The following POU2AF1 variants were observed in gnomAD, a reference collection of about 807,000 sequenced individuals.
POU2AF1 encodes POU class 2 homeobox associating factor 1, also known as POU domain class 2-associating factor 1.
POU2AF1 carries 12 observed loss-of-function variants against 26.3 expected under a neutral mutation model. That is an observed-to-expected ratio of 0.46 (90% CI 0.29 to 0.74). The LOEUF is 0.74. Among genes scored for constraint, POU2AF1 ranks in the 30% least tolerant of loss-of-function variants. The probability of loss-of-function intolerance (pLI) is 0.09; values close to 1 mark genes in which losing one functional copy is unlikely to be tolerated. For synonymous variants in POU2AF1, 175 were observed against 148.0 expected, an observed-to-expected ratio of 1.18 and a Z score of -1.32; for missense variants, 297 against 334.5, an observed-to-expected ratio of 0.89 and a Z score of 0.87.
Position 111,357,742 on chromosome 11 carries a change from A to T in POU2AF1, c.191-32T>A, listed in dbSNP as rs760714665. The T allele has an allele frequency of 8.7e-6, 14 of 1,612,040 alleles. No homozygotes were observed. In the East Asian group the frequency reaches 3.1e-4, roughly 36 times the overall value. Reference sequence around the variant, plus strand: ...GAAGAAGGAAATTACAGAACTTCAGATGCCACCCAGATGAGAGGCCTGGGG... The same window carrying T: ...GAAGAAGGAAATTACAGAACTTCAGTTGCCACCCAGATGAGAGGCCTGGGG... On this transcript the variant is annotated intron_variant, in intron 3 of 4. Transcript: ENST00000393067.
intron 2 of POU2AF1, among the ~76,000 whole-genome samples, 186 bp downstream of exon 2, chr11:111,358,602 T>A (rs368556829): frequency 2.9e-4 from 11 of 37,806 alleles, no homozygotes; most frequent in Non-Finnish European, 1.0e-3. Context: ...ACACATACAC[T>A]CTCACACACT....
At chr11:111,370,909 A>G (rs980425488) in intron 1 of POU2AF1, among the ~76,000 whole-genome samples, 2 of 152,182 alleles carry the variant, frequency 1.3e-5, no homozygotes, top group African/African-American at 4.8e-5. Flanking sequence ...TGGTTTCTCT[A>G]GCTGGAAATA....
chr11:111,356,673 C>T (rs774424583), intron 4 of POU2AF1, among the ~76,000 whole-genome samples: 3 of 152,174 alleles, frequency 2.0e-5, no homozygotes, highest in Non-Finnish European at 4.4e-5. Flanking sequence ...GGGGAAGAGG[C>T]TCTTCCTTTC....
intron 1 of POU2AF1, among the ~76,000 whole-genome samples, chr11:111,361,163 G>C (rs1001437254): frequency 6.6e-6 from 1 of 151,360 alleles, no homozygotes; most frequent in African/African-American, 2.4e-5. Flanking sequence ...CACTGCACAG[G>C]ACCCATGGAG....
At chr11:111,355,469 GA>G (rs1359991712) in intron 4 of POU2AF1, among the ~76,000 whole-genome samples, 2 of 152,184 alleles carry the variant, frequency 1.3e-5, no homozygotes, top group Non-Finnish European at 2.9e-5. Context: ...ATGGATTCAT[GA>G]GAGGGAGGCC....
chr11:111,371,504 C>T (rs1260039714), intron 1 of POU2AF1, among the ~76,000 whole-genome samples: 2 of 152,040 alleles, frequency 1.3e-5, no homozygotes, highest in Non-Finnish European at 1.5e-5. Flanking sequence ...AAAATTGTGA[C>T]GCGAGTTCCA....
chr11:111,376,800 T>C (rs1861317401), intron 1 of POU2AF1, among the ~76,000 whole-genome samples: 1 of 152,132 alleles, frequency 6.6e-6, no homozygotes, highest in South Asian at 2.1e-4. Context: ...GCTGCCCTGT[T>C]TTTACTGATT....
At chr11:111,368,832 A>T (rs1015167452) in intron 1 of POU2AF1, among the ~76,000 whole-genome samples, 5 of 152,256 alleles carry the variant, frequency 3.3e-5, no homozygotes, top group Admixed American at 3.3e-4. Context: ...GGTAATCATG[A>T]GAACTGTATG....
chr11:111,352,472 T>C lies in POU2AF1; in HGVS notation c.*1789A>G, dbSNP rs558747054. Reference sequence around the variant, plus strand: ...AGAGCTAAGCACACCTGCTAACAACTCAGTCTCCTACAAACCTGATGTTTC... The same window carrying C: ...AGAGCTAAGCACACCTGCTAACAACCCAGTCTCCTACAAACCTGATGTTTC... On this transcript the variant is annotated 3_prime_UTR_variant, in exon 5 of 5. Transcript: ENST00000393067. 24 of 185,340 alleles carry C rather than the reference T, an allele frequency of 1.3e-4. No individual in the cohort carries two copies. The highest frequency in any genetic ancestry group is 2.6e-4 in the Non-Finnish European group (23 of 87,582). 11.5% of individuals were successfully genotyped at this position (185,340 alleles called of 1,614,324 possible). A position where few individuals can be genotyped will look rare whatever the true frequency, so the allele number is the denominator to read the frequency against.
intron 1 of POU2AF1, among the ~76,000 whole-genome samples, chr11:111,378,489 T>A (rs1861353617): frequency 6.6e-6 from 1 of 152,158 alleles, no homozygotes; most frequent in African/African-American, 2.4e-5. Context: ...GAAAATAAAG[T>A]TCACAATTGT....
In POU2AF1 at chr11:111,357,472, G is replaced by A. The variant is rs375475909; in HGVS notation, c.429C>T (p.Ala143=). ...TGACATTGGTGATGAGTGGCGGAGAGGCATAGGTCAACACTGAGGAGGGCC... is the reference window on the plus strand; with the variant it reads ...TGACATTGGTGATGAGTGGCGGAGAAGCATAGGTCAACACTGAGGAGGGCC... ...VVGPSSVLTY[A]SPPLITNVTT... is the part of the protein sequence containing the mutation. Residue 143 remains alanine (A), a synonymous_variant, in exon 4 of 5, where the codon GCC becomes GCT. Coordinates refer to ENST00000393067, the MANE Select transcript of POU2AF1 (RefSeq NM_006235.3). The A allele has an allele frequency of 1.2e-6, 2 of 1,614,060 alleles. No homozygotes were observed. The highest frequency in any genetic ancestry group is 1.3e-5 in the African/African-American group (1 of 74,924).
chr11:111,356,016 G>A (rs752443607), intron 4 of POU2AF1, among the ~76,000 whole-genome samples: 2 of 152,200 alleles, frequency 1.3e-5, no homozygotes, highest in Non-Finnish European at 2.9e-5. Context: ...CACACAGCAG[G>A]TCTTATCTCT....
chr11:111,360,318 C>T (rs1860980750), intron 1 of POU2AF1, among the ~76,000 whole-genome samples: 1 of 152,218 alleles, frequency 6.6e-6, no homozygotes. Context: ...GCCTAGGTAT[C>T]TGTTAAACCC....
At chr11:111,375,390 CTTTTTTTTTTTTTTT>C (rs869115956) in intron 1 of POU2AF1, among the ~76,000 whole-genome samples, 1 of 79,488 alleles carries the variant, frequency 1.3e-5, no homozygotes, top group Non-Finnish European at 2.2e-5. Flanking sequence ...TACTGAGTAT[CTTTTTTTTTTTTTTT>C]TTTTTTTTTG....
chr11:111,369,914 C>T (rs1427603093), intron 1 of POU2AF1, among the ~76,000 whole-genome samples: 6 of 152,128 alleles, frequency 3.9e-5, no homozygotes, highest in Non-Finnish European at 7.4e-5. Flanking sequence ...GATGGATATC[C>T]GATTTTTTGT....
At chr11:111,366,388 G>GA (rs1354024825) in intron 1 of POU2AF1, among the ~76,000 whole-genome samples, 1 of 152,202 alleles carries the variant, frequency 6.6e-6, no homozygotes, top group African/African-American at 2.4e-5. Flanking sequence ...AGACATGAGA[G>GA]AAAGGGGAAC....
At chr11:111,354,724 G>T in intron 4 of POU2AF1, 149 bp from the exon 5 acceptor site, 1 of 732,170 alleles carries the variant, frequency 1.4e-6, no homozygotes, top group Non-Finnish European at 2.1e-6. Context: ...CCTGCTCAAA[G>T]TCTTCCCCAA....
At chr11:111,357,923 GC>G in intron 2 of POU2AF1, 86 bp from the exon 3 acceptor site, 1 of 1,352,528 alleles carries the variant, frequency 7.4e-7, no homozygotes, top group African/African-American at 1.5e-5. Context: ...GGGCCTCAGG[GC>G]AGGAGAATAG....
chr11:111,355,051 A>G (rs1860816380), intron 4 of POU2AF1, among the ~76,000 whole-genome samples: 1 of 152,212 alleles, frequency 6.6e-6, no homozygotes, highest in Non-Finnish European at 1.5e-5. Context: ...ACACAAAGAC[A>G]GTCCGGGCTC....
Sources: allele counts gnomAD v4.1 joint callset (sites outside exome capture counted in the v4.1 genomes callset), GRCh38; gene constraint gnomAD v4.1.1; transcripts MANE v1.5; gene names NCBI Gene and HGNC (gene_info 2026-07-23, HGNC 2026-07-21).